The following SLC6A2 variants were observed in gnomAD, a reference collection of about 807,000 sequenced individuals.
SLC6A2 encodes sodium-dependent noradrenaline transporter.
SLC6A2 carries 26 observed loss-of-function variants against 71.7 expected under a neutral mutation model. That is an observed-to-expected ratio of 0.36 (90% CI 0.27 to 0.50). The LOEUF is 0.50. SLC6A2 is among the 20% of genes least tolerant of loss of function. The pLI is 0.96. For missense variants in SLC6A2, 581 were observed against 803.9 expected, an observed-to-expected ratio of 0.72 and a Z score of 3.35; for synonymous variants, 363 against 337.9, an observed-to-expected ratio of 1.07 and a Z score of -0.82.
rs140295818 is a variant in SLC6A2, at chr16:55,703,452, G to A, written c.*1106G>A. 1,892 of 985,452 alleles carry A rather than the reference G, an allele frequency of 1.9e-3. 2 individuals carry two copies. The highest frequency in any genetic ancestry group is 4.2e-3 in the Middle Eastern group (8 of 1,914). The allele number at this position is 985,452 out of a possible 1,614,324, so 61.0% of individuals were successfully genotyped here. A position where few individuals can be genotyped will look rare whatever the true frequency, so the allele number is the denominator to read the frequency against. On this transcript the variant is annotated 3_prime_UTR_variant, in exon 15 of 15. Coordinates refer to ENST00000568943, the MANE Select transcript of SLC6A2 (RefSeq NM_001172501.3). ...TGCACTAGATGTGGCACCTTGGAGG[G>A]CAGGGTGAGACAAGCAGCCCAGAAA...
At position 55,704,540 on chromosome 16, in the gene SLC6A2, T is replaced by A. The variant is rs1966061543; in HGVS notation, c.*2194T>A. The A allele has an allele frequency of 6.6e-6, 1 of 152,238 alleles. No homozygotes were observed. The highest frequency in any genetic ancestry group is 2.1e-4 in the South Asian group (1 of 4,826). 9.4% of individuals were successfully genotyped at this position (152,238 alleles called of 1,614,324 possible). Reference sequence around the variant, plus strand: ...AGAATGCCATTTATTTTCCTCTAGCTGGTTTCCAGAGAGGAAATTATTTAG... The same window carrying A: ...AGAATGCCATTTATTTTCCTCTAGCAGGTTTCCAGAGAGGAAATTATTTAG... On this transcript the variant is annotated 3_prime_UTR_variant, in exon 15 of 15. Coordinates refer to ENST00000568943, the MANE Select transcript of SLC6A2 (RefSeq NM_001172501.3).
At chr16:55,695,798 A>G (rs1295536397) in intron 8 of SLC6A2, among the ~76,000 whole-genome samples, 1 of 152,218 alleles carries the variant, frequency 6.6e-6, no homozygotes, top group Non-Finnish European at 1.5e-5. Context: ...CTAGTGAGCA[A>G]TTGTGCAATA....
intron 8 of SLC6A2, among the ~76,000 whole-genome samples, chr16:55,695,825 C>A (rs1382498695): frequency 6.6e-6 from 1 of 152,212 alleles, no homozygotes; most frequent in African/African-American, 2.4e-5. Flanking sequence ...ACACCCCAAT[C>A]AATCCAGCTC....
In SLC6A2 at chr16:55,656,222, C is replaced by A. The variant is rs1435255997; in HGVS notation, c.-52+53C>A. 1 of 213,332 alleles carries A rather than the reference C, an allele frequency of 4.7e-6. No homozygotes were observed. The highest frequency in any genetic ancestry group is 2.3e-5 in the African/African-American group (1 of 42,684). 13.2% of individuals were successfully genotyped at this position (213,332 alleles called of 1,614,324 possible). On this transcript the variant is annotated intron_variant, in intron 1 of 14. Coordinates refer to ENST00000568943, the MANE Select transcript of SLC6A2 (RefSeq NM_001172501.3). The surrounding 1 kb of genome is among the most constrained non-coding windows in gnomAD (Gnocchi z 4.5). The stretch of plus-strand genomic sequence containing the variant: ...GCTAGGTCTGCCTGGGAGGCCCGGG[C>A]CGAGACGCGCCAGCAGAGGGCTAGC...
At chr16:55,688,583 C>T (rs531604674) in intron 5 of SLC6A2, among the ~76,000 whole-genome samples, 37 of 152,166 alleles carry the variant, frequency 2.4e-4, no homozygotes, top group Non-Finnish European at 5.0e-4. Flanking sequence ...TTTTCAAACT[C>T]TCATGGGTGT....
intron 4 of SLC6A2, among the ~76,000 whole-genome samples, chr16:55,684,560 A>G (rs1424860531): frequency 6.6e-6 from 1 of 152,184 alleles, no homozygotes; most frequent in Non-Finnish European, 1.5e-5. Context: ...CTTTTGTCTC[A>G]GTCTCTAGAC....
chr16:55,682,986 G>T (rs113126012), intron 4 of SLC6A2, among the ~76,000 whole-genome samples: 1 of 152,196 alleles, frequency 6.6e-6, no homozygotes, highest in South Asian at 2.1e-4. Flanking sequence ...GTGTGTGTCC[G>T]AGGCCCAGAT....
chr16:55,683,241 T>G (rs936340025), intron 4 of SLC6A2, among the ~76,000 whole-genome samples: 92 of 152,176 alleles, frequency 6.0e-4, no homozygotes, highest in African/African-American at 2.2e-3. Flanking sequence ...TCAATTCTCT[T>G]TATCATTTCT....
Position 55,702,925 on chromosome 16 carries a change from T to A in SLC6A2, c.*579T>A. On this transcript the variant is annotated 3_prime_UTR_variant, in exon 15 of 15. Coordinates refer to ENST00000568943, the MANE Select transcript of SLC6A2 (RefSeq NM_001172501.3). ...CTCTAAAATGAAGTCAGTGGATAGATGCTTTGAGGGATTTTGAGTAGAAAC... is the reference window on the plus strand; with the variant it reads ...CTCTAAAATGAAGTCAGTGGATAGAAGCTTTGAGGGATTTTGAGTAGAAAC... 1 of 988,902 alleles carries A rather than the reference T, an allele frequency of 1.0e-6. No individual in the cohort carries two copies. Among genetic ancestry groups the A allele is most frequent in the Non-Finnish European group, 1.2e-6 (1 of 832,186 alleles). The allele number at this position is 988,902 out of a possible 1,614,324, so 61.3% of individuals were successfully genotyped here. A position where few individuals can be genotyped will look rare whatever the true frequency, so the allele number is the denominator to read the frequency against.
chr16:55,699,477 G>GA, intron 11 of SLC6A2, 77 bp from the exon 12 acceptor site: 1 of 1,158,764 alleles, frequency 8.6e-7, no homozygotes, highest in Non-Finnish European at 1.3e-6. Context: ...CTCCACCTGG[G>GA]GCCAGAACCT....
chr16:55,684,571 C>A (rs12443955), intron 4 of SLC6A2, among the ~76,000 whole-genome samples: 2 of 152,024 alleles, frequency 1.3e-5, no homozygotes, highest in Non-Finnish European at 2.9e-5. Context: ...GTCTCTAGAC[C>A]AGGTATTCTC....
At chr16:55,677,665 T>TTTTGTTTGTTTG (rs139207409) in intron 4 of SLC6A2, among the ~76,000 whole-genome samples, 3,412 of 150,726 alleles carry the variant, frequency 0.023, 133 homozygotes, top group African/African-American at 0.078. Context: ...CAGAGTTGTT[T>TTTTGTTTGTTTG]TTTGTTTGTT....
intron 4 of SLC6A2, among the ~76,000 whole-genome samples, chr16:55,680,774 G>T (rs1203358369): frequency 6.6e-6 from 1 of 152,056 alleles, no homozygotes; most frequent in African/African-American, 2.4e-5. Flanking sequence ...TGGGGGTGGG[G>T]GTAGAGGGAG....
rs1965863912 is a variant in SLC6A2, at chr16:55,698,331, C to T, written c.1390-138C>T. ...TGACTGTAACGTCAATACAACAGCA[C>T]CACAGCCCTATGCCCTGGGTTTTCA... On this transcript the variant is annotated intron_variant, in intron 10 of 14. Coordinates refer to ENST00000568943, the MANE Select transcript of SLC6A2 (RefSeq NM_001172501.3). The T allele has an allele frequency of 4.0e-6, 3 of 742,622 alleles. No individual in the cohort carries two copies. The Admixed American group carries it at 6.0e-5, about 15-fold the overall frequency. The allele number at this position is 742,622 out of a possible 1,614,324, so 46.0% of individuals were successfully genotyped here. A position where few individuals can be genotyped will look rare whatever the true frequency, so the allele number is the denominator to read the frequency against.
chr16:55,699,520 G>C (rs532032337), intron 11 of SLC6A2, 34 bp from the exon 12 acceptor site: 10 of 1,541,484 alleles, frequency 6.5e-6, no homozygotes, highest in Non-Finnish European at 9.0e-6. Context: ...TATCATGGGG[G>C]CCATGGTAAC....
rs117367794 is a variant in SLC6A2, at chr16:55,697,108, T to G, written c.1260+771T>G. Among the ~76,000 whole-genome samples the G allele has an allele frequency of 9.8e-4, 149 of 152,336 alleles. 3 individuals are homozygous for G. In the East Asian group the frequency reaches 0.027, roughly 27 times the overall value. ...CATCTTTTTAAATCTATGTCTACCC[T>G]TAGTACCTCATGCCTGGACATTTGC... On this transcript the variant is annotated intron_variant, in intron 9 of 14. Transcript: ENST00000568943.
At position 55,656,673 on chromosome 16, in the gene SLC6A2, G is replaced by A; in HGVS notation, c.-22G>A. On this transcript the variant is annotated 5_prime_UTR_variant, in exon 2 of 15. Coordinates refer to ENST00000568943, the MANE Select transcript of SLC6A2 (RefSeq NM_001172501.3). The surrounding 1 kb of genome is among the most constrained non-coding windows in gnomAD (Gnocchi z 4.5). The stretch of plus-strand genomic sequence containing the variant: ...TCGGCGTGCCCCCAGGACCGGTAAA[G>A]TTCCTCTCGCCAGCCGCATCCATGC... The A allele has an allele frequency of 1.2e-6, 2 of 1,611,352 alleles. No individual in the cohort carries two copies. The highest frequency in any genetic ancestry group is 2.2e-5 in the East Asian group (1 of 44,826).
In SLC6A2 at chr16:55,705,125, C is replaced by T. The variant is rs1966075044; in HGVS notation, c.*2779C>T. ...AGGTTTTTAAAGAATTATTATTTTT[C>T]ATGAAATGTAAAATATCAGTTTGAG... On this transcript the variant is annotated 3_prime_UTR_variant, in exon 15 of 15. Coordinates refer to ENST00000568943, the MANE Select transcript of SLC6A2 (RefSeq NM_001172501.3). The T allele has an allele frequency of 2.0e-6, 2 of 1,006,876 alleles. No individual in the cohort carries two copies. The highest frequency in any genetic ancestry group is 3.0e-6 in the Non-Finnish European group (2 of 668,984). The allele number at this position is 1,006,876 out of a possible 1,614,324, so 62.4% of individuals were successfully genotyped here. A position where few individuals can be genotyped will look rare whatever the true frequency, so the allele number is the denominator to read the frequency against.
chr16:55,669,476 C>T, intron 2 of SLC6A2, 89 bp from the exon 3 acceptor site: 1 of 1,464,096 alleles, frequency 6.8e-7, no homozygotes, highest in East Asian at 2.3e-5. Flanking sequence ...GAGCAGACGC[C>T]CAGGATCTTT....
Sources: allele counts gnomAD v4.1 joint callset (sites outside exome capture counted in the v4.1 genomes callset), GRCh38; gene constraint gnomAD v4.1.1; non-coding constraint Gnocchi (gnomAD v3.1); transcripts MANE v1.5; gene names NCBI Gene and HGNC (gene_info 2026-07-23, HGNC 2026-07-21).